Variants in GALNT1 observed in about 807,000 individuals in gnomAD.
GALNT1 encodes the protein GalNAc transferase 1.
In GALNT1, 17 loss-of-function variants were observed where a neutral mutation model predicts 65.7. That is an observed-to-expected ratio of 0.26 (90% CI 0.18 to 0.39). The LOEUF (loss-of-function observed/expected upper bound fraction) is 0.39, where lower values mean the gene tolerates loss of function less well. Among genes scored for constraint, GALNT1 ranks in the 10% least tolerant of loss-of-function variants. The pLI is 1.00. For synonymous variants in GALNT1, 210 were observed against 219.7 expected, an observed-to-expected ratio of 0.96 and a Z score of 0.39; for missense variants, 460 against 672.8, an observed-to-expected ratio of 0.68 and a Z score of 3.50.
intron 1 of GALNT1, among the ~76,000 whole-genome samples, chr18:35,625,072 T>C (rs930332172): frequency 1.3e-5 from 2 of 152,272 alleles, no homozygotes; most frequent in East Asian, 3.9e-4. Context: ...AGAATAACAT[T>C]GGGGGTGGAG....
chr18:35,622,633 A>G (rs949327820), intron 1 of GALNT1, among the ~76,000 whole-genome samples: 19 of 152,140 alleles, frequency 1.2e-4, no homozygotes, highest in African/African-American at 4.6e-4. Flanking sequence ...ACCTTGCTGA[A>G]AGTTCTTGTT....
intron 1 of GALNT1, among the ~76,000 whole-genome samples, chr18:35,642,106 C>T (rs529293247): frequency 6.6e-6 from 1 of 152,270 alleles, no homozygotes; most frequent in East Asian, 1.9e-4. Context: ...TGGCCCTTTG[C>T]AGAAAATATT....
chr18:35,698,192 G>A (rs560210414), intron 9 of GALNT1, among the ~76,000 whole-genome samples: 5 of 152,296 alleles, frequency 3.3e-5, no homozygotes, highest in African/African-American at 9.6e-5. Context: ...ATTAGGCCAC[G>A]CCTGGTGACT....
intron 9 of GALNT1, among the ~76,000 whole-genome samples, chr18:35,701,662 G>C (rs2048166316): frequency 6.6e-6 from 1 of 152,158 alleles, no homozygotes; most frequent in Non-Finnish European, 1.5e-5. Context: ...TGTGGGAATA[G>C]TAATAAAAAT....
chr18:35,631,360 G>T (rs1294980483), intron 1 of GALNT1, among the ~76,000 whole-genome samples: 1 of 152,124 alleles, frequency 6.6e-6, no homozygotes, highest in Non-Finnish European at 1.5e-5. Context: ...TATCCACCAT[G>T]ATCAAGTGGG....
intron 1 of GALNT1, among the ~76,000 whole-genome samples, chr18:35,608,347 A>C (rs573115584): frequency 6.6e-6 from 1 of 152,154 alleles, no homozygotes; most frequent in Non-Finnish European, 1.5e-5. Flanking sequence ...ATTTCTAAGA[A>C]TTTTGCCAAT....
chr18:35,632,461 A>G (rs187138389), intron 1 of GALNT1, among the ~76,000 whole-genome samples: 2,325 of 152,292 alleles, frequency 0.015, 56 homozygotes, highest in African/African-American at 0.054. Context: ...AGGATTCCCT[A>G]TTTAACCAAT....
At chr18:35,699,410 G>C (rs1276073829) in intron 9 of GALNT1, among the ~76,000 whole-genome samples, 1 of 152,154 alleles carries the variant, frequency 6.6e-6, no homozygotes, top group Admixed American at 6.5e-5. Flanking sequence ...TAGATGTCCT[G>C]ATGACTACTG....
chr18:35,639,372 A>G lies in GALNT1; in HGVS notation c.-103-15188A>G, dbSNP rs2047132831. 6.6e-5 allele frequency among the ~76,000 whole-genome samples: 10 copies of G among 152,370 alleles called. No homozygotes were observed. The South Asian group carries it at 2.1e-3, about 32-fold the overall frequency. ...AAGATGATTGGTAGAATTTTTTAGCAGTAAAATTTTTAAATTAAGGTATAT... is the reference window on the plus strand; with the variant it reads ...AAGATGATTGGTAGAATTTTTTAGCGGTAAAATTTTTAAATTAAGGTATAT... On this transcript the variant is annotated intron_variant, in intron 1 of 11. Transcript: ENST00000269195.
chr18:35,679,132 C>G (rs1016978957), intron 4 of GALNT1, among the ~76,000 whole-genome samples: 47 of 152,034 alleles, frequency 3.1e-4, no homozygotes, highest in African/African-American at 1.1e-3. Flanking sequence ...GAAGTATAAA[C>G]CTTATGTGGA....
intron 8 of GALNT1, 95 bp from the exon 9 acceptor site, chr18:35,692,086 C>G: frequency 9.3e-7 from 1 of 1,077,344 alleles, no homozygotes; most frequent in South Asian, 1.4e-5. Flanking sequence ...GCTGATACCA[C>G]TGTTCTGATT....
At chr18:35,596,799 T>C (rs1483823979) in intron 1 of GALNT1, 1 of 152,244 alleles carries the variant, frequency 6.6e-6, no homozygotes, top group African/African-American at 2.4e-5. Flanking sequence ...CTCACTGTAT[T>C]TACTAGAACA....
chr18:35,661,385 G>C (rs188838328), intron 2 of GALNT1, among the ~76,000 whole-genome samples: 17 of 152,086 alleles, frequency 1.1e-4, no homozygotes, highest in Middle Eastern at 3.4e-3. Flanking sequence ...TGTAATACCA[G>C]CTACTGGAGA....
At chr18:35,692,075 AG>A in intron 8 of GALNT1, 105 bp from the exon 9 acceptor site, 1 of 935,084 alleles carries the variant, frequency 1.1e-6, no homozygotes, top group Admixed American at 2.4e-5. Context: ...CATATCACCC[AG>A]CTGATACCAC....
chr18:35,609,708 G>A (rs576393739), intron 1 of GALNT1, among the ~76,000 whole-genome samples: 1 of 152,260 alleles, frequency 6.6e-6, no homozygotes, highest in Middle Eastern at 3.4e-3. Flanking sequence ...GCATTTGGGA[G>A]AAAACAGTGA....
intron 3 of GALNT1, among the ~76,000 whole-genome samples, chr18:35,670,747 G>A (rs777690000): frequency 6.6e-6 from 1 of 152,162 alleles, no homozygotes; most frequent in African/African-American, 2.4e-5. Flanking sequence ...ATGTGGTATC[G>A]TTGCAAGGAT....
chr18:35,616,946 C>T (rs1435193140), intron 1 of GALNT1, among the ~76,000 whole-genome samples: 1 of 152,100 alleles, frequency 6.6e-6, no homozygotes. Flanking sequence ...AATGCCTAAG[C>T]CACTGAGGAA....
At position 35,641,766 on chromosome 18, in the gene GALNT1, G is replaced by A. The variant is rs547157482; in HGVS notation, c.-103-12794G>A. 1.5e-4 allele frequency among the ~76,000 whole-genome samples: 23 copies of A among 152,238 alleles called. 1 individual carries two copies. The highest frequency in any genetic ancestry group is 4.1e-4 in the South Asian group (2 of 4,820). Reference sequence around the variant, plus strand: ...TCTGGTGGGTGGTTTCAGCCACCTGGGAAAACAAATTGGTGATATCTGATC... The same window carrying A: ...TCTGGTGGGTGGTTTCAGCCACCTGAGAAAACAAATTGGTGATATCTGATC... On this transcript the variant is annotated intron_variant, in intron 1 of 11. Transcript: ENST00000269195.
At chr18:35,670,146 G>C (rs57687577) in intron 3 of GALNT1, among the ~76,000 whole-genome samples, 11 of 151,892 alleles carry the variant, frequency 7.2e-5, no homozygotes, top group Non-Finnish European at 1.6e-4. Context: ...TAAATAACTA[G>C]CTGGACACAG....
Sources: gnomAD v4.1 joint callset for allele counts (sites outside exome capture counted in the v4.1 genomes callset) on GRCh38, gnomAD v4.1.1 for gene constraint, MANE v1.5 for transcripts, NCBI Gene and HGNC (gene_info 2026-07-23, HGNC 2026-07-21) for gene names.